Variants in SCN9A observed in about 807,000 individuals in gnomAD.
The protein encoded by SCN9A is sodium voltage-gated channel alpha subunit 9.
Under a neutral mutation model 187.0 loss-of-function variants are expected in SCN9A, and 131 were observed. The ratio of observed to expected loss-of-function variants is 0.70; its 90% CI spans 0.61 to 0.81. The LOEUF is 0.81. Among genes scored for constraint, SCN9A ranks in the 30% least tolerant of loss-of-function variants. The pLI, the probability that SCN9A is intolerant of heterozygous loss-of-function variation, is 0.00. For synonymous variants in SCN9A, 809 were observed against 808.6 expected (o/e 1.00, Z -0.01); for missense variants, 2,252 against 2,396.6 (o/e 0.94, Z 1.26).
chr2:166,197,199 T>A lies in SCN9A; in HGVS notation c.*1473A>T, dbSNP rs992792607. The A allele has an allele frequency of 6.6e-6, 1 of 152,058 alleles. No individual in the cohort carries two copies. The highest frequency in any genetic ancestry group is 2.4e-5 in the African/African-American group (1 of 41,416). 9.4% of individuals were successfully genotyped at this position (152,058 alleles called of 1,614,324 possible). ...ATTTTTGCCTGTGCATGAATAACTT[T>A]ATAGAAGAAAGATCTCATATTCCTG... On this transcript the variant is annotated 3_prime_UTR_variant, in exon 27 of 27. Coordinates refer to ENST00000642356, the MANE Select transcript of SCN9A (RefSeq NM_001365536.1).
In SCN9A at chr2:166,199,496, AG is replaced by A; in HGVS notation, c.5142del (p.Cys1715ValfsTer38). 6.2e-7 allele frequency: 1 copy of A among 1,614,206 alleles called. No homozygotes were observed. Among genetic ancestry groups the A allele is most frequent in the Non-Finnish European group, 8.5e-7 (1 of 1,180,032 alleles). On this transcript the variant is annotated frameshift_variant, in exon 27 of 27. Coordinates refer to ENST00000642356, the MANE Select transcript of SCN9A (RefSeq NM_001365536.1). LOFTEE classifies it high-confidence loss of function. Reference sequence around the variant, plus strand: ...CCAGGATGAACTTTTTTTGGGTCACAGTCGGGTGGCTTACTGTTAAGAATAG... The same window carrying A: ...CCAGGATGAACTTTTTTTGGGTCACATCGGGTGGCTTACTGTTAAGAATAG... ...LAPILNSKPP[D>X]CDPKKVHPGS... is the part of the protein sequence containing the mutation.
intron 1 of SCN9A, among the ~76,000 whole-genome samples, chr2:166,313,880 T>C (rs948692347): frequency 6.6e-6 from 1 of 152,138 alleles, no homozygotes; most frequent in Non-Finnish European, 1.5e-5. Context: ...AATTCTTCCT[T>C]TACTTGAACA....
intron 19 of SCN9A, among the ~76,000 whole-genome samples, chr2:166,239,809 A>G (rs571381760): frequency 2.2e-4 from 33 of 152,286 alleles, no homozygotes; most frequent in African/African-American, 7.7e-4. Context: ...AGCCGCAGGA[A>G]GTCTTGATGA....
At chr2:166,218,793 TGGGA>T (rs1694452313) in intron 24 of SCN9A, among the ~76,000 whole-genome samples, 1 of 152,084 alleles carries the variant, frequency 6.6e-6, no homozygotes, top group Admixed American at 6.5e-5. Context: ...GTCTACAGAA[TGGGA>T]GAAAATTTTT....
chr2:166,369,294 C>T (rs1324317167), intron 1 of SCN9A, among the ~76,000 whole-genome samples: 1 of 152,100 alleles, frequency 6.6e-6, no homozygotes, highest in Non-Finnish European at 1.5e-5. Flanking sequence ...AATAAACTTC[C>T]TTTCACTATA....
chr2:166,258,178 AAGTTC>A (rs1293450751), intron 17 of SCN9A, among the ~76,000 whole-genome samples: 1 of 151,516 alleles, frequency 6.6e-6, no homozygotes, highest in Non-Finnish European at 1.5e-5. Flanking sequence ...AGAACTATTA[AAGTTC>A]AGTCATTCAA....
intron 24 of SCN9A, among the ~76,000 whole-genome samples, chr2:166,210,828 C>A (rs544245149): frequency 3.4e-4 from 51 of 151,886 alleles, no homozygotes; most frequent in Admixed American, 1.8e-3. Flanking sequence ...AGGGGCTGAG[C>A]GGGAGTGGAT....
In SCN9A at chr2:166,255,838, C is replaced by T. The variant is rs565324505; in HGVS notation, c.3352-3953G>A. ...AAAAGAGAAGAAAAATTATGGCAGA[C>T]AGTGGTAAACTAAGCTCCATTATCT... is the stretch of plus-strand genomic sequence containing the variant. On this transcript the variant is annotated intron_variant, in intron 17 of 26. Coordinates refer to ENST00000642356, the MANE Select transcript of SCN9A (RefSeq NM_001365536.1). 2.8e-4 allele frequency among the ~76,000 whole-genome samples: 42 copies of T among 151,484 alleles called. 1 individual carries two copies. The South Asian group carries it at 8.7e-3, about 31-fold the overall frequency.
chr2:166,230,552 G>A (rs778611957), intron 21 of SCN9A, among the ~76,000 whole-genome samples: 1 of 152,056 alleles, frequency 6.6e-6, no homozygotes, highest in African/African-American at 2.4e-5. Flanking sequence ...CTACCATGTG[G>A]TATCACTGCC....
chr2:166,360,452 A>G (rs1487211206), intron 1 of SCN9A, among the ~76,000 whole-genome samples: 1 of 152,148 alleles, frequency 6.6e-6, no homozygotes, highest in East Asian at 1.9e-4. Flanking sequence ...TTGAGAGCAC[A>G]AAATTATCAC....
chr2:166,255,296 G>T, intron 17 of SCN9A, among the ~76,000 whole-genome samples: 1 of 151,290 alleles, frequency 6.6e-6, no homozygotes, highest in Non-Finnish European at 1.5e-5. Flanking sequence ...ATTCTTCATG[G>T]TTTTCCCTTT....
rs780795130 is a variant in SCN9A at position 166,198,676 on chromosome 2, T to C, written c.5963A>G (p.Lys1988Arg). Residue 1988 changes from lysine (K) to arginine (R), a missense_variant, in exon 27 of 27, where the codon AAA becomes AGA. Lys to Arg is a conservative substitution (Grantham distance 26, BLOSUM62 2). Around this residue, in one of 7 missense-constraint regions of SCN9A, gnomAD observed 345 missense variants for 344.6 expected, o/e 1.00. Coordinates refer to ENST00000642356, the MANE Select transcript of SCN9A (RefSeq NM_001365536.1). The stretch of plus-strand genomic sequence containing the variant: ...CAATATATCAAAAATGAAGCTCTAT[T>C]TTTTGCTTTCCTTGCTGTCTTTCCC... ...DKGKDSKESK[K>R] 6.3e-6 allele frequency: 10 copies of C among 1,586,538 alleles called. No homozygotes were observed. The African/African-American group carries it at 1.4e-4, about 22-fold the overall frequency.
intron 10 of SCN9A, among the ~76,000 whole-genome samples, chr2:166,288,093 T>TTATATATATA (rs72083111): frequency 3.0e-5 from 4 of 134,898 alleles, no homozygotes; most frequent in East Asian, 4.2e-4. Context: ...TTCCATGTGT[T>TTATATATATA]TATATATATA....
intron 1 of SCN9A, among the ~76,000 whole-genome samples, chr2:166,351,936 T>C (rs1464305434): frequency 6.6e-6 from 1 of 152,164 alleles, no homozygotes; most frequent in Non-Finnish European, 1.5e-5. Flanking sequence ...AATTCAAGTA[T>C]AGTGTGATAT....
At position 166,296,770 on chromosome 2, in the gene SCN9A, A is replaced by G. The variant is rs776725935; in HGVS notation, c.902-2108T>C. Among the ~76,000 whole-genome samples, 9 of 152,220 alleles carry G rather than the reference A, an allele frequency of 5.9e-5. No homozygotes were observed. The East Asian group carries it at 1.7e-3, about 29-fold the overall frequency. On this transcript the variant is annotated intron_variant, in intron 7 of 26. Coordinates refer to ENST00000642356, the MANE Select transcript of SCN9A (RefSeq NM_001365536.1). ...TTTACAATAATTTCTAAACAACTAG[A>G]CATTAAATTATTAAGATGGTTGGCT...
At chr2:166,336,184 G>T (rs1333852860) in intron 1 of SCN9A, among the ~76,000 whole-genome samples, 1 of 152,082 alleles carries the variant, frequency 6.6e-6, no homozygotes, top group Non-Finnish European at 1.5e-5. Context: ...GCTAGAAAGA[G>T]GATAGGGATT....
At position 166,346,244 on chromosome 2, in the gene SCN9A, C is replaced by A. The variant is rs896347069; in HGVS notation, c.-51+29453G>T. Reference sequence around the variant, plus strand: ...CATAGGCCATAAAAATTGAATAGATCATCACAAAAGTCTTCTCATTATTTA... The same window carrying A: ...CATAGGCCATAAAAATTGAATAGATAATCACAAAAGTCTTCTCATTATTTA... On this transcript the variant is annotated intron_variant, in intron 1 of 26. Coordinates refer to ENST00000642356, the MANE Select transcript of SCN9A (RefSeq NM_001365536.1). Among the ~76,000 whole-genome samples the A allele has an allele frequency of 7.2e-5, 11 of 152,182 alleles. No homozygotes were observed. The East Asian group carries it at 1.7e-3, about 24-fold the overall frequency.
rs780995899 is a variant in SCN9A, at chr2:166,284,583, T to C, written c.1844A>G (p.Asn615Ser). 1.1e-5 allele frequency: 18 copies of C among 1,613,988 alleles called. No homozygotes were observed. In the South Asian group the frequency reaches 1.6e-4, roughly 15 times the overall value. Residue 615 changes from asparagine to serine, a missense_variant, in exon 12 of 27, where the codon AAC (asparagine) becomes AGC (serine). Physicochemically the swap from Asn to Ser is conservative, Grantham distance 46 (BLOSUM62 1). Around this residue, in one of 7 missense-constraint regions of SCN9A, gnomAD observed 1,013 missense variants for 997.4 expected, o/e 1.02. Transcript: ENST00000642356. ...GTCCACAGCACTGTGCATTTTCCCG[T>C]TCACCGGCAGCATTGGTGGGGACCT... The part of the protein sequence containing the change: ...ASRSPPMLPV[N>S]GKMHSAVDCN...
At chr2:166,235,313 T>C (rs1695266453) in intron 20 of SCN9A, among the ~76,000 whole-genome samples, 1 of 152,098 alleles carries the variant, frequency 6.6e-6, no homozygotes, top group African/African-American at 2.4e-5. Flanking sequence ...AGAATATATA[T>C]GCATATATAT....
Sources: gnomAD v4.1 joint callset for allele counts (sites outside exome capture counted in the v4.1 genomes callset) on GRCh38, gnomAD v4.1.1 for gene constraint, gnomAD v4.1.1 regional missense constraint, MANE v1.5 for transcripts, NCBI Gene and HGNC (gene_info 2026-07-23, HGNC 2026-07-21) for gene names.